Variants in ZMAT4 observed in about 807,000 individuals in gnomAD.
The protein encoded by ZMAT4 is zinc finger matrin-type 4, also known as zinc finger matrin-type protein 4.
In ZMAT4, 17 loss-of-function variants were observed where a neutral mutation model predicts 28.7. The observed-to-expected ratio is 0.59, with a 90% CI of 0.41 to 0.89. The LOEUF (loss-of-function observed/expected upper bound fraction) is 0.89, where lower values mean the gene tolerates loss of function less well. Ranked by LOEUF, ZMAT4 falls within the 40% of genes least tolerant of loss-of-function variation. ZMAT4 has a pLI of 0.00. For synonymous variants in ZMAT4, 117 were observed against 109.2 expected, an observed-to-expected ratio of 1.07 and a Z score of -0.44; for missense variants, 240 against 283.8, an observed-to-expected ratio of 0.85 and a Z score of 1.11.
intron 5 of ZMAT4, among the ~76,000 whole-genome samples, chr8:40,618,861 C>T (rs1424016819): frequency 6.6e-6 from 1 of 152,134 alleles, no homozygotes; most frequent in East Asian, 1.9e-4. Context: ...TTCAAGGAAT[C>T]GAGTGCAAAA....
chr8:40,581,380 C>A, intron 5 of ZMAT4, 119 bp from the exon 6 acceptor site: 1 of 711,570 alleles, frequency 1.4e-6, no homozygotes, highest in Non-Finnish European at 2.4e-6. Context: ...TCTACCCCAC[C>A]AACACTTCAA....
chr8:40,628,028 G>C lies in ZMAT4; in HGVS notation c.577+46676C>G, dbSNP rs565156246. On this transcript the variant is annotated intron_variant, in intron 5 of 6. Coordinates refer to ENST00000297737, the MANE Select transcript of ZMAT4 (RefSeq NM_024645.3). ...TCTGCTCACAGAGAAGAGGAAAAAA[G>C]TGTTCTGTAGGGACACACAGAAGAG... Among the ~76,000 whole-genome samples the C allele has an allele frequency of 5.3e-5, 8 of 152,334 alleles. No homozygotes were observed. The South Asian group carries it at 1.7e-3, about 32-fold the overall frequency.
intron 5 of ZMAT4, among the ~76,000 whole-genome samples, chr8:40,669,886 C>T (rs187647483): frequency 5.1e-4 from 77 of 152,258 alleles, no homozygotes; most frequent in African/African-American, 1.8e-3. Context: ...AACTACAAAA[C>T]ATTGCCTATA....
At chr8:40,813,437 A>G (rs924042909) in intron 2 of ZMAT4, among the ~76,000 whole-genome samples, 4 of 152,278 alleles carry the variant, frequency 2.6e-5, no homozygotes, top group African/African-American at 9.6e-5. Context: ...AGCTGTTTTC[A>G]TAGCTAAGAC....
chr8:40,697,517 G>T, intron 3 of ZMAT4, 116 bp from the exon 4 acceptor site: 1 of 982,138 alleles, frequency 1.0e-6, no homozygotes, highest in Non-Finnish European at 1.3e-6. Context: ...TCTGCAAGCT[G>T]TCTCTCTCTC....
At chr8:40,840,009 A>C (rs1417618135) in intron 1 of ZMAT4, among the ~76,000 whole-genome samples, 1 of 152,230 alleles carries the variant, frequency 6.6e-6, no homozygotes, top group Non-Finnish European at 1.5e-5. Context: ...GATCCTCCCA[A>C]GTCAGTGGGC....
At chr8:40,820,817 GTATGTGTATGTTTATGTGTGTA>G (rs1356430222) in intron 2 of ZMAT4, among the ~76,000 whole-genome samples, 26 of 150,590 alleles carry the variant, frequency 1.7e-4, no homozygotes, top group African/African-American at 6.4e-4. Flanking sequence ...GTGGGTGTGT[GTATGTGTATGTTTATGTGTGTA>G]TGTGTGTATG....
chr8:40,610,493 C>T (rs1277167624), intron 5 of ZMAT4, among the ~76,000 whole-genome samples: 1 of 151,968 alleles, frequency 6.6e-6, no homozygotes, highest in Non-Finnish European at 1.5e-5. Flanking sequence ...GGATGATCAA[C>T]CAAATTCTAT....
intron 1 of ZMAT4, among the ~76,000 whole-genome samples, chr8:40,840,908 C>A (rs1053314634): frequency 2.3e-4 from 35 of 152,288 alleles, no homozygotes; most frequent in African/African-American, 7.9e-4. Flanking sequence ...ACACTTCCTA[C>A]CCACTGCTAA....
Position 40,655,235 on chromosome 8 carries a change from A to T in ZMAT4, c.577+19469T>A, listed in dbSNP as rs559371022. 2.3e-3 allele frequency among the ~76,000 whole-genome samples: 346 copies of T among 152,272 alleles called. 2 individuals are homozygous for T. The highest frequency in any genetic ancestry group is 8.1e-3 in the African/African-American group (335 of 41,562). On this transcript the variant is annotated intron_variant, in intron 5 of 6. Coordinates refer to ENST00000297737, the MANE Select transcript of ZMAT4 (RefSeq NM_024645.3). ...ATTCCACTTGCAATTGTGTAAAAAA[A>T]TTAGGAATAAGTTTAACAAAACACA...
chr8:40,754,155 A>G (rs1812574634), intron 3 of ZMAT4, among the ~76,000 whole-genome samples: 1 of 151,878 alleles, frequency 6.6e-6, no homozygotes, highest in Admixed American at 6.6e-5. Flanking sequence ...CTGGCAACAG[A>G]GCAAGACTCC....
intron 1 of ZMAT4, among the ~76,000 whole-genome samples, chr8:40,847,975 C>A (rs1163175189): frequency 6.6e-6 from 1 of 152,184 alleles, no homozygotes; most frequent in Admixed American, 6.5e-5. Context: ...AAGTTCCAGG[C>A]TGTTTCTCAG....
intron 2 of ZMAT4, among the ~76,000 whole-genome samples, chr8:40,800,954 G>T (rs1021325485): frequency 6.6e-6 from 1 of 151,808 alleles, no homozygotes; most frequent in Non-Finnish European, 1.5e-5. Context: ...TCGAAAACAT[G>T]AATAAAATCA....
chr8:40,705,663 G>T (rs914331440), intron 3 of ZMAT4, among the ~76,000 whole-genome samples: 4 of 152,112 alleles, frequency 2.6e-5, no homozygotes, highest in African/African-American at 4.8e-5. Flanking sequence ...TATATACATT[G>T]TGGAATGGTT....
At chr8:40,664,385 T>A (rs1808319264) in intron 5 of ZMAT4, among the ~76,000 whole-genome samples, 1 of 152,182 alleles carries the variant, frequency 6.6e-6, no homozygotes, top group Non-Finnish European at 1.5e-5. Flanking sequence ...TACACACTGC[T>A]CTCTTGTTGG....
At chr8:40,643,221 T>C (rs535728184) in intron 5 of ZMAT4, among the ~76,000 whole-genome samples, 1 of 152,288 alleles carries the variant, frequency 6.6e-6, no homozygotes, top group Admixed American at 6.5e-5. Flanking sequence ...ATCTGCCTTT[T>C]GTTTCCACGG....
At chr8:40,848,331 A>C (rs754412089) in intron 1 of ZMAT4, among the ~76,000 whole-genome samples, 8 of 152,236 alleles carry the variant, frequency 5.3e-5, no homozygotes, top group Admixed American at 2.6e-4. Flanking sequence ...CCCGTTGTCC[A>C]TCACATCTGA....
intron 5 of ZMAT4, among the ~76,000 whole-genome samples, chr8:40,586,678 G>T (rs776966503): frequency 4.6e-5 from 7 of 152,142 alleles, no homozygotes; most frequent in African/African-American, 1.2e-4. Flanking sequence ...GTCTAGCAAA[G>T]CTAGAAGTCC....
intron 3 of ZMAT4, among the ~76,000 whole-genome samples, chr8:40,723,505 TG>T (rs1473367846): frequency 3.0e-4 from 36 of 120,012 alleles, no homozygotes; most frequent in Admixed American, 1.2e-3. Flanking sequence ...ATTGCACCAC[TG>T]CACTCCAGCC....
Sources: allele counts gnomAD v4.1 joint callset (sites outside exome capture counted in the v4.1 genomes callset), GRCh38; gene constraint gnomAD v4.1.1; transcripts MANE v1.5; gene names NCBI Gene and HGNC (gene_info 2026-07-23, HGNC 2026-07-21).